The following RBFOX3 variants were observed in gnomAD, a reference collection of about 807,000 sequenced individuals.
The protein encoded by RBFOX3 is RNA binding fox-1 homolog 3, also known as RNA binding protein fox-1 homolog 3.
A neutral mutation model predicts 48.7 loss-of-function variants in RBFOX3; 17 were observed. That is an observed-to-expected ratio of 0.35 (90% confidence interval 0.24 to 0.52). The LOEUF (loss-of-function observed/expected upper bound fraction) is 0.52. Ranked by LOEUF, RBFOX3 falls within the 20% of genes least tolerant of loss-of-function variation. The pLI, the probability that RBFOX3 is intolerant of heterozygous loss-of-function variation, is 0.94. For synonymous variants in RBFOX3, 212 were observed against 209.5 expected, an observed-to-expected ratio of 1.01 and a Z score of -0.10; for missense variants, 382 against 497.5, an observed-to-expected ratio of 0.77 and a Z score of 2.21.
At chr17:79,273,213 A>G (rs2068058111) in intron 3 of RBFOX3, among the ~76,000 whole-genome samples, 1 of 152,116 alleles carries the variant, frequency 6.6e-6, no homozygotes, top group African/African-American at 2.4e-5. Flanking sequence ...AATCTGAGTC[A>G]ACCCTTCCAC....
rs139400649 is a variant in RBFOX3, at chr17:79,385,462, A to G, written c.-174-77638T>C. Among the ~76,000 whole-genome samples the G allele has an allele frequency of 5.3e-4, 80 of 152,186 alleles. No homozygotes were observed. In the East Asian group the frequency reaches 0.014, roughly 26 times the overall value. On this transcript the variant is annotated intron_variant, in intron 2 of 14. Coordinates refer to ENST00000693108, the MANE Select transcript of RBFOX3 (RefSeq NM_001350451.2). ...CAGGACAATCAGCGAGCCCCCAAGA[A>G]CACAGGTGTCCTGTCCTGCCAGGCA...
chr17:79,249,375 C>T lies in RBFOX3; in HGVS notation c.-73-13570G>A, dbSNP rs1437322170. On this transcript the variant is annotated intron_variant, in intron 3 of 14. Transcript: ENST00000693108. The surrounding 1 kb of genome is among the most constrained non-coding windows in gnomAD (Gnocchi z 4.1). The stretch of plus-strand genomic sequence containing the variant: ...TCGGCTCCAATGCTGCTGCAGTCAC[C>T]GTCTTTTATTCCCTGTATTCTGATG... Among the ~76,000 whole-genome samples, 1 of 152,188 alleles carries T rather than the reference C, an allele frequency of 6.6e-6. No individual in the cohort carries two copies. Among genetic ancestry groups the T allele is most frequent in the African/African-American group, 2.4e-5 (1 of 41,452 alleles).
chr17:79,383,304 C>T (rs776615353), intron 2 of RBFOX3, among the ~76,000 whole-genome samples: 12 of 152,228 alleles, frequency 7.9e-5, no homozygotes, highest in African/African-American at 1.4e-4. Context: ...GGGTCTAACA[C>T]GGCTGGCCAC....
At chr17:79,440,432 C>G (rs1242335497) in intron 2 of RBFOX3, among the ~76,000 whole-genome samples, 1 of 152,154 alleles carries the variant, frequency 6.6e-6, no homozygotes, top group African/African-American at 2.4e-5. Context: ...CTAGCCAGCT[C>G]CCTGCCAGCT....
At chr17:79,556,986 A>G (rs2091808945) in intron 1 of RBFOX3, among the ~76,000 whole-genome samples, 1 of 152,080 alleles carries the variant, frequency 6.6e-6, no homozygotes, top group Non-Finnish European at 1.5e-5. Context: ...GCTCATGCCT[A>G]TAATTCCAGC....
At chr17:79,459,272 G>A (rs2075043291) in intron 2 of RBFOX3, among the ~76,000 whole-genome samples, 1 of 152,218 alleles carries the variant, frequency 6.6e-6, no homozygotes, top group African/African-American at 2.4e-5. Context: ...GGCAGAGAGA[G>A]CTGCTGCTCT....
At chr17:79,656,062 G>T in the RBFOX3 span, among the ~76,000 whole-genome samples, 1 of 152,032 alleles carries the variant, frequency 6.6e-6, no homozygotes, top group Non-Finnish European at 1.5e-5. Context: ...TGCCTCCCCC[G>T]CACTCTTGCT....
intron 2 of RBFOX3, among the ~76,000 whole-genome samples, chr17:79,335,515 C>T (rs2081056914): frequency 3.3e-5 from 5 of 152,192 alleles, no homozygotes. Context: ...TGCACGGATC[C>T]TCTAGAATCA....
chr17:79,110,263 C>T (rs2030565589), intron 5 of RBFOX3, among the ~76,000 whole-genome samples: 1 of 152,290 alleles, frequency 6.6e-6, no homozygotes, highest in Non-Finnish European at 1.5e-5. Flanking sequence ...TGTCTTGGCC[C>T]GGCCATTATG....
intron 3 of RBFOX3, among the ~76,000 whole-genome samples, chr17:79,288,520 T>C (rs1017073008): frequency 6.6e-6 from 1 of 151,954 alleles, no homozygotes; most frequent in Admixed American, 6.6e-5. Context: ...CTGGTCAGTC[T>C]GTGGGCATGA....
chr17:79,377,259 A>G (rs2059328622), intron 2 of RBFOX3, among the ~76,000 whole-genome samples: 1 of 152,180 alleles, frequency 6.6e-6, no homozygotes, highest in African/African-American at 2.4e-5. Flanking sequence ...CGTGGACCAC[A>G]GATGCATACA....
intron 4 of RBFOX3, among the ~76,000 whole-genome samples, chr17:79,231,715 T>C (rs918728338): frequency 2.3e-4 from 35 of 152,148 alleles, no homozygotes; most frequent in Non-Finnish European, 5.1e-4. Flanking sequence ...ATGAATGACA[T>C]TGGCATAAAT....
At chr17:79,428,182 T>C (rs149096689) in intron 2 of RBFOX3, among the ~76,000 whole-genome samples, 29 of 152,386 alleles carry the variant, frequency 1.9e-4, no homozygotes, top group African/African-American at 6.7e-4. Context: ...CCTGGTGCAC[T>C]GTAGGTGGCT....
chr17:79,210,017 GA>G (rs2058155139), intron 4 of RBFOX3, among the ~76,000 whole-genome samples: 1 of 142,550 alleles, frequency 7.0e-6, no homozygotes, highest in East Asian at 2.1e-4. Flanking sequence ...AAAAAAGAAA[GA>G]AAAGAAAGGA....
rs112068420 is a variant in RBFOX3 at position 79,272,739 on chromosome 17, G to A, written c.-74+34985C>T. On this transcript the variant is annotated intron_variant, in intron 3 of 14. Coordinates refer to ENST00000693108, the MANE Select transcript of RBFOX3 (RefSeq NM_001350451.2). ...CGCAGATAATTGTGTCACCTGGCACGTGTTCCTGTGTGAGTCAGTCCTGGG... is the reference window on the plus strand; with the variant it reads ...CGCAGATAATTGTGTCACCTGGCACATGTTCCTGTGTGAGTCAGTCCTGGG... Among the ~76,000 whole-genome samples, 52 of 152,348 alleles carry A rather than the reference G, an allele frequency of 3.4e-4. 1 individual carries two copies. The highest frequency in any genetic ancestry group is 1.7e-3 in the South Asian group (8 of 4,828).
intron 2 of RBFOX3, among the ~76,000 whole-genome samples, chr17:79,376,574 T>C (rs903620102): frequency 1.3e-5 from 2 of 152,076 alleles, no homozygotes; most frequent in Non-Finnish European, 2.9e-5. Flanking sequence ...CGTGAGCAAA[T>C]TGACTCAATT....
chr17:79,526,034 C>G (rs2086751250), intron 1 of RBFOX3, among the ~76,000 whole-genome samples: 2 of 152,298 alleles, frequency 1.3e-5, no homozygotes, highest in South Asian at 4.1e-4. Flanking sequence ...TTGGGGTACA[C>G]CAGGGGCACT....
chr17:79,478,219 C>A (rs1028940431), intron 2 of RBFOX3, among the ~76,000 whole-genome samples: 2 of 152,126 alleles, frequency 1.3e-5, no homozygotes, highest in African/African-American at 4.8e-5. Flanking sequence ...AAGAGACGGG[C>A]GTGATGGATG....
intron 1 of RBFOX3, among the ~76,000 whole-genome samples, chr17:79,487,546 G>C (rs1489551742): frequency 6.6e-6 from 1 of 152,200 alleles, no homozygotes; most frequent in African/African-American, 2.4e-5. Context: ...CCCAGCGCCT[G>C]GCCAATGCTG....
Sources: gnomAD v4.1 joint callset for allele counts (sites outside exome capture counted in the v4.1 genomes callset) on GRCh38, gnomAD v4.1.1 for gene constraint, Gnocchi (gnomAD v3.1) non-coding constraint, MANE v1.5 for transcripts, NCBI Gene and HGNC (gene_info 2026-07-23, HGNC 2026-07-21) for gene names.